PDE4D: variants seen among roughly 807,000 people sequenced by gnomAD.
The protein encoded by PDE4D is 3',5'-cyclic-AMP phosphodiesterase 4D.
In PDE4D, 24 loss-of-function variants were observed where a neutral mutation model predicts 87.4. The ratio of observed to expected loss-of-function variants is 0.27; its 90% CI spans 0.20 to 0.39. The LOEUF (loss-of-function observed/expected upper bound fraction) is 0.39. Among genes scored for constraint, PDE4D ranks in the 10% least tolerant of loss-of-function variants. The pLI is 1.00. For synonymous variants in PDE4D, 384 were observed against 383.2 expected (o/e 1.00, Z -0.02); for missense variants, 714 against 1,041.0 (o/e 0.69, Z 4.32).
chr5:59,704,388 T>A (rs1340672764), intron 1 of PDE4D, among the ~76,000 whole-genome samples: 1 of 152,222 alleles, frequency 6.6e-6, no homozygotes, highest in Non-Finnish European at 1.5e-5. Context: ...GACACCATCA[T>A]CTACAATGAT....
chr5:59,172,040 A>ATATTTATATAATAAATATATATTATT (rs1554087288), intron 5 of PDE4D, among the ~76,000 whole-genome samples: 2 of 2,964 alleles, frequency 6.7e-4, no homozygotes, highest in African/African-American at 7.2e-3. Flanking sequence ...TATATATTAT[A>ATATTTATATAATAAATATATATTATT]TATATAATAT....
intron 5 of PDE4D, among the ~76,000 whole-genome samples, chr5:59,078,168 T>C (rs1385753798): frequency 6.6e-6 from 1 of 152,178 alleles, no homozygotes; most frequent in African/African-American, 2.4e-5. Flanking sequence ...ATGTTTAGTG[T>C]AGTATGGTTT....
chr5:59,188,115 T>C (rs150563389), intron 3 of PDE4D, among the ~76,000 whole-genome samples: 1 of 152,150 alleles, frequency 6.6e-6, no homozygotes, highest in Non-Finnish European at 1.5e-5. Context: ...CAGCCCTCAC[T>C]TCCCCTGAAT....
chr5:60,124,329 C>G lies in PDE4D; in HGVS notation c.42+61228G>C, dbSNP rs754914634. Among the ~76,000 whole-genome samples, 6 of 152,258 alleles carry G rather than the reference C, an allele frequency of 3.9e-5. No homozygotes were observed. In the South Asian group the frequency reaches 1.0e-3, roughly 26 times the overall value. Reference sequence around the variant, plus strand: ...TCTTACAATATTTCAGCTCTCAGGGCTGTCCAGAAATATTACTACATCTTC... The same window carrying G: ...TCTTACAATATTTCAGCTCTCAGGGGTGTCCAGAAATATTACTACATCTTC... On this transcript the variant is annotated intron_variant, in intron 2 of 16. Coordinates refer to the PDE4D transcript ENST00000502484.
chr5:59,650,912 T>C (rs1179096125), intron 1 of PDE4D, among the ~76,000 whole-genome samples: 3 of 152,194 alleles, frequency 2.0e-5, no homozygotes, highest in Non-Finnish European at 2.9e-5. Flanking sequence ...GTGTTGTAGT[T>C]TTTATAAAGT....
intron 1 of PDE4D, among the ~76,000 whole-genome samples, chr5:60,484,871 C>T (rs898115572): frequency 1.3e-5 from 2 of 152,184 alleles, no homozygotes; most frequent in Non-Finnish European, 2.9e-5. Context: ...GTTCTTTTGA[C>T]AAGCACTTTC....
rs145868740 is a variant in PDE4D, at chr5:59,809,643, C to T, written c.455+83525G>A. ...CTGAGCATGTGTCTCTTATGTACAT[C>T]TCCAGACTGTGCAGGCGGAGCTCAA... is the stretch of plus-strand genomic sequence containing the variant. On this transcript the variant is annotated intron_variant, in intron 1 of 14. Coordinates refer to ENST00000340635, the MANE Select transcript of PDE4D (RefSeq NM_001104631.2). Among the ~76,000 whole-genome samples the T allele has an allele frequency of 2.7e-3, 411 of 152,288 alleles. 4 individuals are homozygous for T. The highest frequency in any genetic ancestry group is 9.5e-3 in the African/African-American group (394 of 41,556).
intron 5 of PDE4D, among the ~76,000 whole-genome samples, chr5:59,180,159 G>C (rs9292194): frequency 0.79 from 119,584 of 152,054 alleles, 47,471 homozygotes; most frequent in Non-Finnish European, 0.85. Flanking sequence ...GTACAATGTT[G>C]CTTCCTACAC....
intron 1 of PDE4D, among the ~76,000 whole-genome samples, chr5:59,848,588 G>T (rs546040028): frequency 6.6e-6 from 1 of 151,972 alleles, no homozygotes; most frequent in South Asian, 2.1e-4. Context: ...TGTATATGTA[G>T]AAAATAAAGG....
intron 1 of PDE4D, among the ~76,000 whole-genome samples, chr5:60,188,842 C>T (rs1223609248): frequency 6.6e-6 from 1 of 152,176 alleles, no homozygotes; most frequent in African/African-American, 2.4e-5. Context: ...GCCTCAAAAT[C>T]CACGTTTTTG....
At chr5:60,187,179 C>G (rs576779773) in intron 1 of PDE4D, among the ~76,000 whole-genome samples, 1 of 152,258 alleles carries the variant, frequency 6.6e-6, no homozygotes, top group South Asian at 2.1e-4. Context: ...AAGATAAATA[C>G]TGTTTCTCTG....
chr5:60,123,457 C>A (rs1425087242), intron 2 of PDE4D, among the ~76,000 whole-genome samples: 1 of 152,072 alleles, frequency 6.6e-6, no homozygotes, highest in African/African-American at 2.4e-5. Flanking sequence ...GAGGAAGATG[C>A]AAAAGCAGAA....
At chr5:59,914,281 G>C (rs546768862) in intron 3 of PDE4D, among the ~76,000 whole-genome samples, 2 of 152,104 alleles carry the variant, frequency 1.3e-5, no homozygotes, top group African/African-American at 2.4e-5. Context: ...AAACAAAGAT[G>C]GGGGGTGGTT....
At chr5:59,855,901 T>A (rs1745355215) in intron 1 of PDE4D, among the ~76,000 whole-genome samples, 1 of 152,162 alleles carries the variant, frequency 6.6e-6, no homozygotes, top group Non-Finnish European at 1.5e-5. Flanking sequence ...TGCCCTTGGA[T>A]TGAACAAAAA....
chr5:59,870,377 T>C (rs887421744), intron 1 of PDE4D, among the ~76,000 whole-genome samples: 2 of 152,240 alleles, frequency 1.3e-5, no homozygotes, highest in Non-Finnish European at 2.9e-5. Context: ...TGGAAACATA[T>C]ATAAATGTAA....
chr5:60,079,735 T>C (rs1454509646), intron 2 of PDE4D, among the ~76,000 whole-genome samples: 1 of 152,136 alleles, frequency 6.6e-6, no homozygotes, highest in African/African-American at 2.4e-5. Context: ...ATTGGTCTAT[T>C]TGTCTGTTTC....
At chr5:59,792,265 T>C (rs1322045901) in intron 1 of PDE4D, among the ~76,000 whole-genome samples, 2 of 152,210 alleles carry the variant, frequency 1.3e-5, no homozygotes, top group East Asian at 1.9e-4. Flanking sequence ...CTTGGAAATA[T>C]TTCATAACAA....
chr5:60,150,673 A>G (rs1781429108), intron 2 of PDE4D, among the ~76,000 whole-genome samples: 1 of 152,194 alleles, frequency 6.6e-6, no homozygotes, highest in Non-Finnish European at 1.5e-5. Flanking sequence ...TGACAAGTAC[A>G]GAAAGTACTT....
At chr5:59,879,867 A>T (rs1183055873) in intron 1 of PDE4D, among the ~76,000 whole-genome samples, 1 of 152,148 alleles carries the variant, frequency 6.6e-6, no homozygotes, top group Non-Finnish European at 1.5e-5. Context: ...CAGTCTCCTG[A>T]GTAGCTGGGA....
Sources: gnomAD v4.1 joint callset for allele counts (sites outside exome capture counted in the v4.1 genomes callset) on GRCh38, gnomAD v4.1.1 for gene constraint, MANE v1.5 for transcripts, NCBI Gene and HGNC (gene_info 2026-07-23, HGNC 2026-07-21) for gene names.